Variants in QSER1 observed in about 807,000 individuals in gnomAD.
QSER1 encodes glutamine and serine-rich protein 1.
A neutral mutation model predicts 158.5 loss-of-function variants in QSER1; 49 were observed. That is an observed-to-expected ratio of 0.31 (90% CI 0.25 to 0.39). The LOEUF (loss-of-function observed/expected upper bound fraction) is 0.39. QSER1 is among the 10% of genes least tolerant of loss of function. The pLI is 1.00. For missense variants in QSER1, 1,754 were observed against 2,010.3 expected, an observed-to-expected ratio of 0.87 and a Z score of 2.44; for synonymous variants, 650 against 715.5, an observed-to-expected ratio of 0.91 and a Z score of 1.46.
At chr11:32,895,987 A>G (rs1311437960) in intron 1 of QSER1, among the ~76,000 whole-genome samples, 6 of 152,236 alleles carry the variant, frequency 3.9e-5, no homozygotes, top group Non-Finnish European at 8.8e-5. Flanking sequence ...TTCTCAGAGT[A>G]CTTGCTAGGT....
Position 32,953,844 on chromosome 11 carries a change from G to A in QSER1, c.4178-13G>A. On this transcript the variant is annotated splice_polypyrimidine_tract_variant and intron_variant, in intron 4 of 12. Coordinates refer to ENST00000650167, the MANE Select transcript of QSER1 (RefSeq NM_001076786.3). ...TTGTAATACTGATTTGCATTTGCTT[G>A]GTTTTGTTTCAGAAGCCCTACAGGT... 1.9e-6 allele frequency: 3 copies of A among 1,590,588 alleles called. No homozygotes were observed. The highest frequency in any genetic ancestry group is 2.6e-6 in the Non-Finnish European group (3 of 1,168,168).
Position 32,955,979 on chromosome 11 carries a change from C to T in QSER1, c.4618-9C>T. 6.3e-7 allele frequency: 1 copy of T among 1,597,366 alleles called. No individual in the cohort carries two copies. Among genetic ancestry groups the T allele is most frequent in the Non-Finnish European group, 8.5e-7 (1 of 1,170,798 alleles). On this transcript the variant is annotated splice_polypyrimidine_tract_variant and intron_variant, in intron 6 of 12. Coordinates refer to ENST00000650167, the MANE Select transcript of QSER1 (RefSeq NM_001076786.3). ...TCAATTATGTAACTCAAAGTGTTTC[C>T]TTCCTCAGTATCTTGGATATTTTGG... is the stretch of plus-strand genomic sequence containing the variant.
intron 10 of QSER1, among the ~76,000 whole-genome samples, chr11:32,970,298 C>CA (rs1399168576): frequency 6.6e-6 from 1 of 152,124 alleles, no homozygotes; most frequent in South Asian, 2.1e-4. Flanking sequence ...TCATAGTAGT[C>CA]ATGTATTCTT....
chr11:32,917,873 A>T (rs1231440758), intron 1 of QSER1, among the ~76,000 whole-genome samples: 1 of 148,874 alleles, frequency 6.7e-6, no homozygotes, highest in African/African-American at 2.5e-5. Context: ...GCTTTCTGTG[A>T]CTTATGATGT....
chr11:32,949,607 C>G (rs769321483), intron 4 of QSER1, among the ~76,000 whole-genome samples: 29 of 152,116 alleles, frequency 1.9e-4, no homozygotes, highest in Non-Finnish European at 3.4e-4. Flanking sequence ...ACATTTTGAG[C>G]CTTCAGTTAC....
chr11:32,929,144 C>G (rs1852012735), intron 3 of QSER1, among the ~76,000 whole-genome samples: 1 of 152,252 alleles, frequency 6.6e-6, no homozygotes, highest in African/African-American at 2.4e-5. Context: ...CAGAGTGTCA[C>G]TCTGTCGCCC....
chr11:32,935,250 C>T lies in QSER1; in HGVS notation c.3992C>T (p.Pro1331Leu). 1 of 1,613,942 alleles carries T rather than the reference C, an allele frequency of 6.2e-7. No homozygotes were observed. Among genetic ancestry groups the T allele is most frequent in the African/African-American group, 1.3e-5 (1 of 75,028 alleles). ...LPKPSSTTPTPLVSETGGNSP... is the reference protein window; with the variant it reads ...LPKPSSTTPTLLVSETGGNSP... ...AAGCCTTCATCTACAACACCCACAC[C>T]TTTAGTGTCTGAAACTGGCGGTAAC... is the stretch of plus-strand genomic sequence containing the variant. The change falls in exon 4 of 13, where the codon CCT becomes CTT. Residue 1331 changes from proline (P) to leucine (L), a missense_variant. Pro to Leu is a moderately conservative substitution (Grantham distance 98). Transcript: ENST00000650167.
chr11:32,978,987 C>T lies in QSER1; in HGVS notation c.*2513C>T, dbSNP rs1853026466. 1 of 152,156 alleles carries T rather than the reference C, an allele frequency of 6.6e-6. No homozygotes were observed. Among genetic ancestry groups the T allele is most frequent in the Admixed American group, 6.5e-5 (1 of 15,274 alleles). 9.4% of individuals were successfully genotyped at this position (152,156 alleles called of 1,614,324 possible). On this transcript the variant is annotated 3_prime_UTR_variant, in exon 13 of 13. Transcript: ENST00000650167. ...TTACACAAACCTAGGTGGCATAGCC[C>T]ACAACGTACCCAGGCTATATGGTAA...
At position 32,966,282 on chromosome 11, in the gene QSER1, A is replaced by AC. The variant is rs1289380913; in HGVS notation, c.4970-15dup. On this transcript the variant is annotated splice_polypyrimidine_tract_variant and intron_variant, in intron 8 of 12. Coordinates refer to ENST00000650167, the MANE Select transcript of QSER1 (RefSeq NM_001076786.3). ...GTCAGGAAGGAAAATTTAATATTTA[A>AC]CCCTTTCTCCCTCCCAGAATTTGAA... is the stretch of plus-strand genomic sequence containing the variant. 1.9e-6 allele frequency: 3 copies of AC among 1,607,400 alleles called. No homozygotes were observed. The East Asian group carries it at 6.7e-5, about 36-fold the overall frequency.
intron 1 of QSER1, among the ~76,000 whole-genome samples, chr11:32,915,276 T>C (rs1226199880): frequency 1.3e-5 from 2 of 152,188 alleles, no homozygotes; most frequent in African/African-American, 2.4e-5. Flanking sequence ...AAGATGATAC[T>C]TCCCTTTGCA....
intron 4 of QSER1, among the ~76,000 whole-genome samples, chr11:32,947,847 A>G (rs1259115552): frequency 1.3e-5 from 2 of 152,338 alleles, no homozygotes; most frequent in Non-Finnish European, 2.9e-5. Flanking sequence ...TTTTATCATA[A>G]TAAAATCTCT....
intron 11 of QSER1, among the ~76,000 whole-genome samples, chr11:32,974,311 T>C (rs1852931021): frequency 1.3e-5 from 2 of 151,926 alleles, no homozygotes; most frequent in Middle Eastern, 3.2e-3. Flanking sequence ...CCTGTAGTCC[T>C]AGCTACTTGA....
chr11:32,941,407 G>C (rs999801455), intron 4 of QSER1, among the ~76,000 whole-genome samples: 1 of 98,432 alleles, frequency 1.0e-5, no homozygotes, highest in Non-Finnish European at 1.9e-5. Flanking sequence ...ACAGTCCCCA[G>C]AGTGTGATGT....
chr11:32,899,684 T>C (rs1458860062), intron 1 of QSER1, among the ~76,000 whole-genome samples: 1 of 152,036 alleles, frequency 6.6e-6, no homozygotes, highest in African/African-American at 2.4e-5. Flanking sequence ...CTGTCTTGCC[T>C]CTGAAAGAAC....
At chr11:32,931,480 C>A (rs1384004031) in intron 3 of QSER1, among the ~76,000 whole-genome samples, 2 of 151,614 alleles carry the variant, frequency 1.3e-5, no homozygotes, top group Non-Finnish European at 2.9e-5. Flanking sequence ...TGGGACACTG[C>A]GGCTGCAGTG....
In QSER1 at chr11:32,934,660, A is replaced by G. The variant is rs1197894272; in HGVS notation, c.3402A>G (p.Gln1134=). ...VDSTLNNNRN[Q]EFVSSSRSIS... ...GTACATTAAATAATAACAGAAACCA[A>G]GAGTTTGTTTCTAGTAGTAGAAGTA... Residue 1134 remains glutamine (Q), a synonymous_variant, in exon 4 of 13, where the codon CAA becomes CAG. Transcript: ENST00000650167. 5.0e-6 allele frequency: 8 copies of G among 1,613,896 alleles called. No individual in the cohort carries two copies. The highest frequency in any genetic ancestry group is 6.8e-6 in the Non-Finnish European group (8 of 1,179,990).
Position 32,934,508 on chromosome 11 carries a change from C to A in QSER1, c.3250C>A (p.Pro1084Thr). The change falls in exon 4 of 13, where the codon CCA becomes ACA. Residue 1084 changes from proline to threonine, a missense_variant. Transcript: ENST00000650167. ...CATTGAAACACCTGGTCAAAATATACCAACTAAAGTAACTTCAGCAGTGGT... is the reference window on the plus strand; with the variant it reads ...CATTGAAACACCTGGTCAAAATATAACAACTAAAGTAACTTCAGCAGTGGT... ...QHIETPGQNI[P>T]TKVTSAVVGP... The A allele has an allele frequency of 1.2e-6, 2 of 1,613,636 alleles. No homozygotes were observed. The highest frequency in any genetic ancestry group is 8.5e-7 in the Non-Finnish European group (1 of 1,180,000).
chr11:32,896,342 GTTTA>G (rs1358045647), intron 1 of QSER1, among the ~76,000 whole-genome samples: 1 of 152,066 alleles, frequency 6.6e-6, no homozygotes, highest in Non-Finnish European at 1.5e-5. Flanking sequence ...ATTTAAATAG[GTTTA>G]TTTATTTTAT....
rs1415910820 is a variant in QSER1, at chr11:32,927,287, A to T, written c.322+18A>T. ...GCCTACTGGTAACAATTCTCTTGTG[A>T]ATTATACTACGAGTCTGGGTACATT... On this transcript the variant is annotated intron_variant, in intron 2 of 12. Transcript: ENST00000650167. 3 of 152,672 alleles carry T rather than the reference A, an allele frequency of 2.0e-5. No individual in the cohort carries two copies. The highest frequency in any genetic ancestry group is 7.2e-5 in the African/African-American group (3 of 41,440). The allele number at this position is 152,672 out of a possible 1,614,324, so 9.5% of individuals were successfully genotyped here. A position where few individuals can be genotyped will look rare whatever the true frequency, so the allele number is the denominator to read the frequency against.
Sources: allele counts gnomAD v4.1 joint callset (sites outside exome capture counted in the v4.1 genomes callset), GRCh38; gene constraint gnomAD v4.1.1; transcripts MANE v1.5; gene names NCBI Gene and HGNC (gene_info 2026-07-23, HGNC 2026-07-21).